Variants in GRIN2A observed in about 807,000 individuals in gnomAD.
GRIN2A encodes glutamate receptor ionotropic, NMDA 2A.
Under a neutral mutation model 113.4 loss-of-function variants are expected in GRIN2A, and 22 were observed. The ratio of observed to expected loss-of-function variants is 0.19; its 90% CI spans 0.14 to 0.28. GRIN2A has a LOEUF of 0.28. Ranked by LOEUF, GRIN2A falls within the 10% of genes least tolerant of loss-of-function variation. The pLI, the probability that GRIN2A is intolerant of heterozygous loss-of-function variation, is 1.00. For synonymous variants in GRIN2A, 827 were observed against 738.4 expected (o/e 1.12, Z -1.94); for missense variants, 1,502 against 1,887.0 (o/e 0.80, Z 3.78).
intron 11 of GRIN2A, among the ~76,000 whole-genome samples, chr16:9,786,325 G>A (rs566686031): frequency 6.6e-6 from 1 of 152,220 alleles, no homozygotes; most frequent in East Asian, 1.9e-4. Flanking sequence ...CTGCTTCTGG[G>A]TCCTTAGTTT....
chr16:9,901,944 C>G (rs1460257948), intron 3 of GRIN2A, among the ~76,000 whole-genome samples: 2 of 152,190 alleles, frequency 1.3e-5, no homozygotes, highest in South Asian at 4.1e-4. Flanking sequence ...TGTATTTAGC[C>G]TCTAATATAT....
chr16:9,965,886 C>T (rs151176059), intron 2 of GRIN2A, among the ~76,000 whole-genome samples: 37 of 152,294 alleles, frequency 2.4e-4, no homozygotes, highest in African/African-American at 8.2e-4. Flanking sequence ...GAATGTGTGG[C>T]CTCTTGGTTT....
chr16:10,097,710 C>G (rs182378240), intron 2 of GRIN2A, among the ~76,000 whole-genome samples: 1 of 152,196 alleles, frequency 6.6e-6, no homozygotes, highest in Non-Finnish European at 1.5e-5. Context: ...GACCCTCCTG[C>G]ACTTTCTTTC....
At chr16:10,014,484 G>A (rs1350260750) in intron 2 of GRIN2A, among the ~76,000 whole-genome samples, 3 of 152,160 alleles carry the variant, frequency 2.0e-5, no homozygotes, top group Non-Finnish European at 4.4e-5. Flanking sequence ...TGGCTACTAT[G>A]AGCCAGGCTC....
intron 4 of GRIN2A, among the ~76,000 whole-genome samples, chr16:9,884,363 A>C (rs1166077328): frequency 6.6e-6 from 1 of 152,140 alleles, no homozygotes; most frequent in African/African-American, 2.4e-5. Context: ...AGCCTGGCCA[A>C]CATGGTGAAA....
intron 3 of GRIN2A, among the ~76,000 whole-genome samples, chr16:9,914,970 T>C (rs1455725429): frequency 8.1e-6 from 1 of 123,136 alleles, no homozygotes; most frequent in Non-Finnish European, 1.6e-5. Flanking sequence ...GGAATCTCAC[T>C]CTTTCATCCA....
chr16:9,936,698 G>A (rs989598501), intron 3 of GRIN2A, among the ~76,000 whole-genome samples: 1 of 152,162 alleles, frequency 6.6e-6, no homozygotes, highest in Non-Finnish European at 1.5e-5. Flanking sequence ...TCACATAATG[G>A]AATATAATGC....
intron 4 of GRIN2A, among the ~76,000 whole-genome samples, chr16:9,863,536 T>C (rs1167983374): frequency 1.3e-5 from 2 of 152,218 alleles, no homozygotes; most frequent in Non-Finnish European, 2.9e-5. Context: ...GATGTTGAAT[T>C]CCACTGCTAC....
At chr16:9,768,031 T>G (rs551141730) in intron 12 of GRIN2A, among the ~76,000 whole-genome samples, 1 of 152,276 alleles carries the variant, frequency 6.6e-6, no homozygotes, top group East Asian at 1.9e-4. Context: ...TCTGGCCCAG[T>G]GTTTTTAAAT....
At chr16:9,937,580 A>G (rs1244196941) in intron 3 of GRIN2A, 7 of 257,690 alleles carry the variant, frequency 2.7e-5, no homozygotes, top group Admixed American at 5.1e-5. Flanking sequence ...TGATACCATG[A>G]TATCATAGTG....
At chr16:9,997,587 T>C (rs1373947726) in intron 2 of GRIN2A, among the ~76,000 whole-genome samples, 1 of 152,208 alleles carries the variant, frequency 6.6e-6, no homozygotes, top group African/African-American at 2.4e-5. Context: ...CGACCATTCT[T>C]GTGTTACATG....
chr16:9,941,156 A>G (rs1189122936), intron 2 of GRIN2A, among the ~76,000 whole-genome samples: 1 of 152,194 alleles, frequency 6.6e-6, no homozygotes, highest in African/African-American at 2.4e-5. Flanking sequence ...TAAAGGCACC[A>G]TTGGAACCTA....
intron 12 of GRIN2A, among the ~76,000 whole-genome samples, chr16:9,765,899 C>T (rs184272490): frequency 6.6e-6 from 1 of 152,182 alleles, no homozygotes; most frequent in East Asian, 1.9e-4. Flanking sequence ...ATACAAGCAC[C>T]TCCATCTATA....
rs1283779022 is a variant in GRIN2A, at chr16:9,940,059, AGAGTGT to A, written c.415-1514_415-1509del. The stretch of plus-strand genomic sequence containing the variant: ...GAGAGAGAAAGAGAGAGAGAGAGAG[AGAGTGT>A]GTGTGTGTGTGTGTGTGTGTGAAAG... On this transcript the variant is annotated intron_variant, in intron 2 of 12. Coordinates refer to ENST00000330684, the MANE Select transcript of GRIN2A (RefSeq NM_001134407.3). Among the ~76,000 whole-genome samples the A allele has an allele frequency of 3.4e-5, 5 of 145,500 alleles. 1 individual carries two copies. The highest frequency in any genetic ancestry group is 2.6e-5 in the African/African-American group (1 of 38,580).
chr16:9,839,551 T>G (rs988007904), intron 7 of GRIN2A, among the ~76,000 whole-genome samples: 2 of 152,192 alleles, frequency 1.3e-5, no homozygotes, highest in Non-Finnish European at 2.9e-5. Context: ...AGCAGAATAT[T>G]GGCATAAATC....
intron 2 of GRIN2A, among the ~76,000 whole-genome samples, chr16:10,046,099 G>A (rs1324542343): frequency 2.6e-5 from 4 of 151,938 alleles, no homozygotes; most frequent in Non-Finnish European, 5.9e-5. Context: ...CAATATGATA[G>A]CCCCATTGCC....
chr16:10,132,569 G>A (rs560230079), intron 2 of GRIN2A, among the ~76,000 whole-genome samples: 2 of 152,260 alleles, frequency 1.3e-5, no homozygotes, highest in Admixed American at 1.3e-4. Context: ...TATCATGCAA[G>A]AGCTAGTCCA....
intron 11 of GRIN2A, among the ~76,000 whole-genome samples, chr16:9,787,012 G>T (rs979757232): frequency 2.0e-5 from 3 of 152,052 alleles, no homozygotes; most frequent in Non-Finnish European, 2.9e-5. Context: ...TCCAACTTTG[G>T]CAGAACATCA....
At chr16:10,021,601 C>T (rs986093019) in intron 2 of GRIN2A, among the ~76,000 whole-genome samples, 3 of 152,092 alleles carry the variant, frequency 2.0e-5, no homozygotes, top group African/African-American at 7.2e-5. Flanking sequence ...TTGACAGGAG[C>T]GGAAGCAAGC....
Sources: allele counts gnomAD v4.1 joint callset (sites outside exome capture counted in the v4.1 genomes callset), GRCh38; gene constraint gnomAD v4.1.1; transcripts MANE v1.5; gene names NCBI Gene and HGNC (gene_info 2026-07-23, HGNC 2026-07-21).